The following FBXL7 variants were observed in gnomAD, a reference collection of about 807,000 sequenced individuals.
FBXL7 encodes the protein F-box/LRR-repeat protein 7.
FBXL7 carries 12 observed loss-of-function variants against 38.3 expected under a neutral mutation model. That is an observed-to-expected ratio of 0.31 (90% CI 0.20 to 0.51). The LOEUF (loss-of-function observed/expected upper bound fraction) is 0.51. Among genes scored for constraint, FBXL7 ranks in the 20% least tolerant of loss-of-function variants. The pLI, the probability that FBXL7 is intolerant of heterozygous loss-of-function variation, is 0.98. For synonymous variants in FBXL7, 297 were observed against 300.9 expected (o/e 0.99, Z 0.13); for missense variants, 567 against 676.4 (o/e 0.84, Z 1.79).
intron 2 of FBXL7, among the ~76,000 whole-genome samples, chr5:15,667,817 G>C (rs560590685): frequency 1.1e-4 from 16 of 152,090 alleles, no homozygotes; most frequent in African/African-American, 3.6e-4. Context: ...TTTCTTTCTA[G>C]TCACTAGAAA....
In FBXL7 at chr5:15,500,727, C is replaced by G. The variant is rs1327923493; in HGVS notation, c.37+14C>G. 2 of 1,604,576 alleles carry G rather than the reference C, an allele frequency of 1.2e-6. No individual in the cohort carries two copies. The highest frequency in any genetic ancestry group is 1.7e-6 in the Non-Finnish European group (2 of 1,175,132). Reference sequence around the variant, plus strand: ...ACGGCAGTGAGGGTGAGTGGGCCGCCCGTCCTCAGACTCCCGGATCGCGTC... The same window carrying G: ...ACGGCAGTGAGGGTGAGTGGGCCGCGCGTCCTCAGACTCCCGGATCGCGTC... On this transcript the variant is annotated intron_variant, in intron 1 of 3. Coordinates refer to ENST00000504595, the MANE Select transcript of FBXL7 (RefSeq NM_012304.5).
At chr5:15,681,873 G>A (rs1422988684) in intron 2 of FBXL7, among the ~76,000 whole-genome samples, 3 of 152,176 alleles carry the variant, frequency 2.0e-5, no homozygotes, top group African/African-American at 7.2e-5. Flanking sequence ...TTTTTGAAGA[G>A]TGGAACATAA....
intron 2 of FBXL7, among the ~76,000 whole-genome samples, chr5:15,628,715 C>T (rs1740899825): frequency 1.3e-5 from 2 of 152,132 alleles, no homozygotes; most frequent in South Asian, 4.1e-4. Context: ...AATTTATGCA[C>T]TGTATATTAA....
chr5:15,667,225 T>C (rs1403780771), intron 2 of FBXL7, among the ~76,000 whole-genome samples: 1 of 152,166 alleles, frequency 6.6e-6, no homozygotes, highest in Non-Finnish European at 1.5e-5. Flanking sequence ...GTATGTTCTT[T>C]TCTTTTTATG....
At chr5:15,892,317 T>G (rs969542975) in intron 2 of FBXL7, among the ~76,000 whole-genome samples, 9 of 152,198 alleles carry the variant, frequency 5.9e-5, no homozygotes, top group African/African-American at 1.7e-4. Context: ...GGGCAGATGA[T>G]GTGGAACCAT....
At chr5:15,540,404 C>A (rs1737708400) in intron 1 of FBXL7, among the ~76,000 whole-genome samples, 1 of 152,126 alleles carries the variant, frequency 6.6e-6, no homozygotes, top group African/African-American at 2.4e-5. Flanking sequence ...ATCTCTACAA[C>A]CCAATTTCAT....
intron 1 of FBXL7, among the ~76,000 whole-genome samples, chr5:15,588,416 G>A (rs9686800): frequency 1.4e-5 from 2 of 141,102 alleles, no homozygotes; most frequent in South Asian, 2.2e-4. Context: ...ATGGAGTTTC[G>A]CTCTTCATTG....
At chr5:15,838,165 C>T (rs887925035) in intron 2 of FBXL7, among the ~76,000 whole-genome samples, 4 of 152,102 alleles carry the variant, frequency 2.6e-5, no homozygotes, top group Admixed American at 6.6e-5. Context: ...CCAGGCAGCT[C>T]AGTCCTCTGT....
chr5:15,691,310 T>C (rs1169174154), intron 2 of FBXL7, among the ~76,000 whole-genome samples: 4 of 152,212 alleles, frequency 2.6e-5, no homozygotes, highest in Non-Finnish European at 5.9e-5. Flanking sequence ...AAATCATGAA[T>C]CAACTTGATG....
chr5:15,843,168 A>G (rs1246902732), intron 2 of FBXL7, among the ~76,000 whole-genome samples: 1 of 152,200 alleles, frequency 6.6e-6, no homozygotes, highest in Non-Finnish European at 1.5e-5. Context: ...AGATATTTGT[A>G]TATGCTAATA....
intron 1 of FBXL7, among the ~76,000 whole-genome samples, chr5:15,536,479 G>A (rs1014892537): frequency 6.6e-6 from 1 of 152,206 alleles, no homozygotes; most frequent in Non-Finnish European, 1.5e-5. Flanking sequence ...TCTTGCATCA[G>A]TGTGCCCTGG....
intron 2 of FBXL7, among the ~76,000 whole-genome samples, chr5:15,734,984 T>A: frequency 6.6e-6 from 1 of 152,066 alleles, no homozygotes; most frequent in East Asian, 1.9e-4. Context: ...CCCGCTGGAG[T>A]ACAAGGGCAT....
At chr5:15,900,347 G>A (rs371302081) in intron 2 of FBXL7, among the ~76,000 whole-genome samples, 3 of 152,214 alleles carry the variant, frequency 2.0e-5, no homozygotes, top group South Asian at 4.1e-4. Flanking sequence ...CACCACCCTA[G>A]TAACATCAAT....
chr5:15,868,776 G>A (rs1046778434), intron 2 of FBXL7, among the ~76,000 whole-genome samples: 1 of 152,056 alleles, frequency 6.6e-6, no homozygotes, highest in African/African-American at 2.4e-5. Context: ...CCTCCTTAAA[G>A]TCCTTCCTTG....
chr5:15,556,680 A>G lies in FBXL7; in HGVS notation c.37+55967A>G, dbSNP rs540188446. ...GAATTAATACTTTATATTTAATTCA[A>G]TCAATTTTTAGACTCCTCTTCATCT... On this transcript the variant is annotated intron_variant, in intron 1 of 3. Coordinates refer to ENST00000504595, the MANE Select transcript of FBXL7 (RefSeq NM_012304.5). Among the ~76,000 whole-genome samples the G allele has an allele frequency of 3.3e-5, 5 of 152,266 alleles. No individual in the cohort carries two copies. The South Asian group carries it at 1.0e-3, about 32-fold the overall frequency.
At chr5:15,709,897 C>T (rs1488731193) in intron 2 of FBXL7, among the ~76,000 whole-genome samples, 1 of 152,098 alleles carries the variant, frequency 6.6e-6, no homozygotes, top group Admixed American at 6.6e-5. Context: ...CCCTGGAGCC[C>T]TTTTGTAAGA....
At chr5:15,719,265 AATT>A (rs1744130192) in intron 2 of FBXL7, among the ~76,000 whole-genome samples, 4 of 152,140 alleles carry the variant, frequency 2.6e-5, no homozygotes, top group Non-Finnish European at 5.9e-5. Context: ...AAGATTAAGT[AATT>A]ATTCTCTTGT....
At chr5:15,629,656 A>G (rs527936668) in intron 2 of FBXL7, among the ~76,000 whole-genome samples, 132 of 152,214 alleles carry the variant, frequency 8.7e-4, no homozygotes, top group African/African-American at 3.0e-3. Context: ...CGATGCCTCA[A>G]TGGTATCATT....
At chr5:15,806,816 G>A (rs1267525634) in intron 2 of FBXL7, among the ~76,000 whole-genome samples, 1 of 152,210 alleles carries the variant, frequency 6.6e-6, no homozygotes, top group Non-Finnish European at 1.5e-5. Context: ...CCCAGAGTAA[G>A]GTGGACAGCT....
Sources: allele counts gnomAD v4.1 joint callset (sites outside exome capture counted in the v4.1 genomes callset), GRCh38; gene constraint gnomAD v4.1.1; transcripts MANE v1.5; gene names NCBI Gene and HGNC (gene_info 2026-07-23, HGNC 2026-07-21).